Variants in FGD1 observed in about 807,000 individuals in gnomAD.
FGD1 encodes FYVE, RhoGEF and PH domain-containing protein 1.
A neutral mutation model predicts 65.0 loss-of-function variants in FGD1; 12 were observed. The observed-to-expected ratio is 0.18, with a 90% CI of 0.12 to 0.30. FGD1 has a LOEUF of 0.30. Ranked by LOEUF, FGD1 falls within the 10% of genes least tolerant of loss-of-function variation. The probability of loss-of-function intolerance (pLI) is 1.00; values close to 1 mark genes in which losing one functional copy is unlikely to be tolerated. For missense variants in FGD1, 542 were observed against 837.6 expected, an observed-to-expected ratio of 0.65 and a Z score of 4.36; for synonymous variants, 333 against 343.9, an observed-to-expected ratio of 0.97 and a Z score of 0.35.
chrX:54,454,844 A>G (rs930773276), intron 12 of FGD1, among the ~76,000 whole-genome samples: 1 of 111,495 alleles, frequency 9.0e-6, no homozygotes, highest in East Asian at 2.8e-4. Flanking sequence ...TTTTAAAGTA[A>G]TTAACAGACA....
intron 1 of FGD1, among the ~76,000 whole-genome samples, chrX:54,480,535 C>A (rs1601958846): frequency 1.8e-5 from 2 of 111,500 alleles, no homozygotes; most frequent in South Asian, 3.8e-4. Context: ...AAAGCACATG[C>A]CTAACCTGAA....
chrX:54,445,973 C>T lies in FGD1; in HGVS notation c.*136G>A. ...AAAAGATGAATTAAAAAACCCAAGA[C>T]CCAGCATTCGGGATTGAAAGTGCCC... On this transcript the variant is annotated 3_prime_UTR_variant, in exon 18 of 18. Transcript: ENST00000375135. 1 of 474,769 alleles carries T rather than the reference C, an allele frequency of 2.1e-6. No individual in the cohort carries two copies. The highest frequency in any genetic ancestry group is 3.7e-5 in the South Asian group (1 of 26,698). 39.1% of individuals were successfully genotyped at this position (474,769 alleles called of 1,213,427 possible).
intron 1 of FGD1, among the ~76,000 whole-genome samples, chrX:54,485,442 G>C (rs1262136269): frequency 8.9e-6 from 1 of 111,845 alleles, no homozygotes; most frequent in African/African-American, 3.3e-5. Flanking sequence ...TACGTGAAAT[G>C]GGTCTCAGCT....
chrX:54,456,764 C>T (rs1922513614), intron 8 of FGD1, among the ~76,000 whole-genome samples, 197 bp from the exon 9 acceptor site: 1 of 110,509 alleles, frequency 9.0e-6, no homozygotes, highest in African/African-American at 3.3e-5. Context: ...TCCCAAGTAG[C>T]TGGGACTACA....
intron 6 of FGD1, among the ~76,000 whole-genome samples, chrX:54,467,262 C>T (rs1922783266): frequency 9.0e-6 from 1 of 111,047 alleles, no homozygotes; most frequent in Admixed American, 9.6e-5. Flanking sequence ...GTAGGCTATG[C>T]TATTCTGTTG....
chrX:54,465,845 A>G lies in FGD1; in HGVS notation c.1348T>C (p.Tyr450His). ...LEKRMEEWDRYPRIGDILQKL... is the reference protein window; with the variant it reads ...LEKRMEEWDRHPRIGDILQKL... The stretch of plus-strand genomic sequence containing the variant: ...TGCAGGATGTCTCCAATGCGTGGAT[A>G]GCGGTCCCTGGGGTGGAATTAGGGG... The change falls in exon 7 of 18, where the codon TAT (tyrosine) becomes CAT (histidine). Residue 450 changes from tyrosine (Y) to histidine (H), a missense_variant. Around this residue, in one of 6 missense-constraint regions of FGD1, gnomAD observed 41 missense variants for 109.5 expected, o/e 0.37. Coordinates refer to ENST00000375135, the MANE Select transcript of FGD1 (RefSeq NM_004463.3). 1 of 1,211,654 alleles carries G rather than the reference A, an allele frequency of 8.3e-7. No homozygotes were observed. Among genetic ancestry groups the G allele is most frequent in the Non-Finnish European group, 1.1e-6 (1 of 895,473 alleles).
Position 54,495,439 on chromosome X carries a change from G to A in FGD1, c.-7C>T. On this transcript the variant is annotated 5_prime_UTR_variant, in exon 1 of 18. Coordinates refer to ENST00000375135, the MANE Select transcript of FGD1 (RefSeq NM_004463.3). ...GGGCTCGGTGGCCATGCATGGTCCG[G>A]GCCTGGGCGCGGGGCCCGAGCTCCC... 2.0e-6 allele frequency: 2 copies of A among 980,257 alleles called. No individual in the cohort carries two copies. Among genetic ancestry groups the A allele is most frequent in the Non-Finnish European group, 2.5e-6 (2 of 784,579 alleles). 80.8% of individuals were successfully genotyped at this position (980,257 alleles called of 1,213,427 possible). A position where few individuals can be genotyped will look rare whatever the true frequency, so the allele number is the denominator to read the frequency against.
intron 8 of FGD1, among the ~76,000 whole-genome samples, chrX:54,460,740 C>CA (rs1431351094): frequency 9.1e-6 from 1 of 110,049 alleles, no homozygotes; most frequent in Non-Finnish European, 1.9e-5. Context: ...GACTACGTCT[C>CA]AAAAAAATAA....
chrX:54,449,719 C>A lies in FGD1; in HGVS notation c.2088G>T (p.Glu696Asp), dbSNP rs2147423580. 8.3e-7 allele frequency: 1 copy of A among 1,209,069 alleles called. No homozygotes were observed. The highest frequency in any genetic ancestry group is 1.8e-5 in the South Asian group (1 of 56,891). ...STLLKHEQTL[E>D]TFKLLNSTNR... ...TTGTTGAGTTCAACAGTTTGAAAGT[C>A]TCCAGCGTCTGTTCATGCTTCAGGA... Residue 696 changes from glutamate (E) to aspartate (D), a missense_variant, in exon 14 of 18, where the codon GAG (glutamate) becomes GAT (aspartate). Coordinates refer to ENST00000375135, the MANE Select transcript of FGD1 (RefSeq NM_004463.3).
At chrX:54,450,983 A>AG (rs1922362683) in intron 12 of FGD1, among the ~76,000 whole-genome samples, 1 of 110,105 alleles carries the variant, frequency 9.1e-6, no homozygotes, top group Admixed American at 9.6e-5. Flanking sequence ...CAGGAGGCGG[A>AG]GGTTGCAGTG....
At position 54,449,701 on chromosome X, in the gene FGD1, G is replaced by C; in HGVS notation, c.2106C>G (p.Asn702Lys). The C allele has an allele frequency of 8.3e-7, 1 of 1,208,810 alleles. No homozygotes were observed. Among genetic ancestry groups the C allele is most frequent in the Non-Finnish European group, 1.1e-6 (1 of 893,255 alleles). ...EQTLETFKLL[N>K]STNREDEDTP... ...TGTCTTCATCTTCCCTGTTTGTTGA[G>C]TTCAACAGTTTGAAAGTCTCCAGCG... The change falls in exon 14 of 18, where the codon AAC (asparagine) becomes AAG (lysine). Residue 702 changes from asparagine (N) to lysine (K), a missense_variant. By Grantham distance (94) the Asn-to-Lys change is moderately conservative. Transcript: ENST00000375135.
Position 54,455,639 on chromosome X carries a change from C to T in FGD1, c.1935+53G>A. 1.4e-5 allele frequency: 16 copies of T among 1,114,706 alleles called. No individual in the cohort carries two copies. In the South Asian group the frequency reaches 3.0e-4, roughly 21 times the overall value. 91.9% of individuals were successfully genotyped at this position (1,114,706 alleles called of 1,213,427 possible). Reference sequence around the variant, plus strand: ...GTCAAAGCCAGCATCTTTGTTCCTCCCAACACCAATGCCCCACTCCAAGTT... The same window carrying T: ...GTCAAAGCCAGCATCTTTGTTCCTCTCAACACCAATGCCCCACTCCAAGTT... On this transcript the variant is annotated intron_variant, in intron 11 of 17. Transcript: ENST00000375135.
In FGD1 at chrX:54,470,276, G is replaced by A. The variant is rs1412938383; in HGVS notation, c.841C>T (p.Arg281Trp). The A allele has an allele frequency of 1.7e-6, 2 of 1,206,192 alleles. No individual in the cohort carries two copies. The highest frequency in any genetic ancestry group is 2.2e-5 in the Admixed American group (1 of 45,366). ...GPRDGEKVPN[R>W]DSGIDSISSP... is the part of the protein sequence containing the mutation. Reference sequence around the variant, plus strand: ...CTGATGCTATCAATGCCGCTGTCCCGGTTGGGCACCTTCTCACCGTCCCGG... The same window carrying A: ...CTGATGCTATCAATGCCGCTGTCCCAGTTGGGCACCTTCTCACCGTCCCGG... Residue 281 changes from arginine to tryptophan, a missense_variant, in exon 4 of 18, where the codon CGG becomes TGG. This residue lies in a region of FGD1 where 297 missense variants were observed against 326.8 expected (regional missense o/e 0.91). Transcript: ENST00000375135.
chrX:54,446,311 C>G lies in FGD1; in HGVS notation c.2684G>C (p.Ser895Thr). The G allele has an allele frequency of 8.3e-7, 1 of 1,211,532 alleles. No homozygotes were observed. Among genetic ancestry groups the G allele is most frequent in the Non-Finnish European group, 1.1e-6 (1 of 895,311 alleles). ...AGGGCTGAAGTACCAGCTGAGGTGG[C>G]TCTGGGTGATCTTGAAGACATGCCT... ...DRRHVFKITQ[S>T]HLSWYFSPET... Residue 895 changes from serine (S) to threonine (T), a missense_variant, in exon 18 of 18, where the codon AGC becomes ACC. By Grantham distance (58) the Ser-to-Thr change is moderately conservative. Coordinates refer to ENST00000375135, the MANE Select transcript of FGD1 (RefSeq NM_004463.3).
intron 1 of FGD1, among the ~76,000 whole-genome samples, chrX:54,491,041 T>C (rs1348492567): frequency 9.9e-5 from 11 of 110,929 alleles, no homozygotes; most frequent in Non-Finnish European, 2.1e-4. Flanking sequence ...CATGTCATTC[T>C]CGTTAATAAA....
intron 1 of FGD1, among the ~76,000 whole-genome samples, chrX:54,485,048 C>G (rs1410584797): frequency 8.8e-6 from 1 of 113,264 alleles, no homozygotes; most frequent in Non-Finnish European, 1.9e-5. Context: ...CAAGAGCGGA[C>G]TGCCAGCCAT....
chrX:54,475,363 C>T (rs1391698376), intron 1 of FGD1, among the ~76,000 whole-genome samples: 4 of 111,869 alleles, frequency 3.6e-5, no homozygotes, highest in African/African-American at 1.3e-4. Flanking sequence ...CTTATTAACC[C>T]TGCTCTCCAA....
At chrX:54,477,107 C>T (rs1375146154) in intron 1 of FGD1, among the ~76,000 whole-genome samples, 1 of 112,858 alleles carries the variant, frequency 8.9e-6, no homozygotes, top group African/African-American at 3.2e-5. Context: ...ACTGCACACA[C>T]ACAACCACCA....
chrX:54,472,965 C>G (rs769349955), intron 1 of FGD1, among the ~76,000 whole-genome samples: 1 of 111,525 alleles, frequency 9.0e-6, no homozygotes, highest in Non-Finnish European at 1.9e-5. Flanking sequence ...TGACTAGTCA[C>G]AAATGGGCCC....
Sources: gnomAD v4.1 joint callset for allele counts (sites outside exome capture counted in the v4.1 genomes callset) on GRCh38, gnomAD v4.1.1 for gene constraint, gnomAD v4.1.1 regional missense constraint, MANE v1.5 for transcripts, NCBI Gene and HGNC (gene_info 2026-07-23, HGNC 2026-07-21) for gene names.